Variants in MYCBP2 observed in about 807,000 individuals in gnomAD.
The protein encoded by MYCBP2 is MYC binding protein 2, also known as E3 ubiquitin-protein ligase MYCBP2.
A neutral mutation model predicts 525.3 loss-of-function variants in MYCBP2; 120 were observed. The ratio of observed to expected loss-of-function variants is 0.23; its 90% CI spans 0.20 to 0.27. The LOEUF (loss-of-function observed/expected upper bound fraction) is 0.27. MYCBP2 is among the 10% of genes least tolerant of loss of function. The pLI, the probability that MYCBP2 is intolerant of heterozygous loss-of-function variation, is 1.00. For missense variants in MYCBP2, 4,149 were observed against 5,657.1 expected (o/e 0.73, Z 8.55); for synonymous variants, 1,894 against 1,955.8 (o/e 0.97, Z 0.83).
At chr13:77,210,741 T>A (rs7317973) in intron 23 of MYCBP2, among the ~76,000 whole-genome samples, 4,091 of 152,282 alleles carry the variant, frequency 0.027, 200 homozygotes, top group African/African-American at 0.092. Context: ...GAATGAATTC[T>A]ATACAATATA....
intron 1 of MYCBP2, among the ~76,000 whole-genome samples, chr13:77,303,136 C>A (rs1286921159): frequency 1.3e-5 from 2 of 152,182 alleles, no homozygotes; most frequent in East Asian, 3.9e-4. Context: ...TGTTCGAGAC[C>A]AGCCTCACCA....
intron 8 of MYCBP2, 133 bp from the exon 9 acceptor site, chr13:77,264,135 A>G (rs2073741532): frequency 3.5e-6 from 2 of 572,322 alleles, no homozygotes; most frequent in Non-Finnish European, 5.9e-6. Context: ...TGTGCTTTTT[A>G]ATAAAGAATT....
chr13:77,317,992 A>ATAACATAACC (rs2081167898), intron 1 of MYCBP2, among the ~76,000 whole-genome samples: 1 of 149,600 alleles, frequency 6.7e-6, no homozygotes, highest in African/African-American at 2.5e-5. Context: ...ATAACATAAC[A>ATAACATAACC]TAACATAACA....
chr13:77,191,345 T>A (rs559642624), intron 28 of MYCBP2, among the ~76,000 whole-genome samples: 7 of 152,222 alleles, frequency 4.6e-5, no homozygotes, highest in Non-Finnish European at 8.8e-5. Context: ...ATATCACATA[T>A]CTACTTCTTT....
At chr13:77,164,361 A>G in intron 43 of MYCBP2, 93 bp downstream of exon 43, 1 of 775,626 alleles carries the variant, frequency 1.3e-6, no homozygotes, top group South Asian at 1.6e-5. Context: ...AGATTACAAA[A>G]TTCATTTTGC....
intron 3 of MYCBP2, among the ~76,000 whole-genome samples, chr13:77,281,201 C>A (rs61681230): frequency 6.6e-6 from 1 of 151,946 alleles, no homozygotes; most frequent in Non-Finnish European, 1.5e-5. Flanking sequence ...TATAGTCCTG[C>A]CAATATAGTA....
intron 7 of MYCBP2, among the ~76,000 whole-genome samples, chr13:77,268,288 T>C (rs1398927970): frequency 3.3e-5 from 5 of 152,336 alleles, no homozygotes; most frequent in Middle Eastern, 3.4e-3. Context: ...AGTATTGAGT[T>C]TGCTATTTGA....
intron 34 of MYCBP2, among the ~76,000 whole-genome samples, chr13:77,179,127 A>G (rs1311793692): frequency 2.0e-5 from 3 of 152,214 alleles, no homozygotes. Context: ...TCTAAAGGCT[A>G]AACTGTCACA....
In MYCBP2 at chr13:77,097,492, C is replaced by G; in HGVS notation, c.9662G>C (p.Gly3221Ala). 6.2e-7 allele frequency: 1 copy of G among 1,613,156 alleles called. No individual in the cohort carries two copies. Among genetic ancestry groups the G allele is most frequent in the Non-Finnish European group, 8.5e-7 (1 of 1,179,652 alleles). ...KKEKAEVRPR[G>A]NLFGEMAQLA... The stretch of plus-strand genomic sequence containing the variant: ...CTGGGCCATCTCTCCAAACAAATTA[C>G]CCCTGGGCCTAACTTCTGCCTTTTC... Residue 3221 changes from glycine to alanine, a missense_variant, in exon 56 of 83, where the codon GGT (glycine) becomes GCT (alanine). Coordinates refer to ENST00000544440, the MANE Select transcript of MYCBP2 (RefSeq NM_015057.5).
chr13:77,265,388 G>C (rs1164546960), intron 8 of MYCBP2, among the ~76,000 whole-genome samples: 1 of 152,052 alleles, frequency 6.6e-6, no homozygotes, highest in Non-Finnish European at 1.5e-5. Flanking sequence ...AAGAAGAGTA[G>C]CAAAAAGCCT....
chr13:77,192,404 T>A (rs563506411), intron 27 of MYCBP2, among the ~76,000 whole-genome samples: 9 of 152,304 alleles, frequency 5.9e-5, no homozygotes, highest in African/African-American at 1.9e-4. Flanking sequence ...ATAATATCTA[T>A]ACAAACATTA....
At chr13:77,186,417 G>A (rs1402484260) in intron 30 of MYCBP2, among the ~76,000 whole-genome samples, 1 of 152,058 alleles carries the variant, frequency 6.6e-6, no homozygotes. Flanking sequence ...ATAAAACAAT[G>A]CATGTTTACT....
chr13:77,050,486 A>G (rs1196300257), intron 82 of MYCBP2, among the ~76,000 whole-genome samples: 1 of 151,754 alleles, frequency 6.6e-6, no homozygotes, highest in Non-Finnish European at 1.5e-5. Context: ...TTTTGGTTTC[A>G]TACTTCTTTC....
chr13:77,319,964 G>T (rs780886190), intron 1 of MYCBP2, among the ~76,000 whole-genome samples: 2 of 152,088 alleles, frequency 1.3e-5, no homozygotes, highest in Non-Finnish European at 2.9e-5. Context: ...AGTGCCCTCC[G>T]AACCAACAAC....
chr13:77,097,540 G>A lies in MYCBP2; in HGVS notation c.9614C>T (p.Ser3205Phe), dbSNP rs879121379. The change falls in exon 56 of 83, where the codon TCC (serine) becomes TTC (phenylalanine). Residue 3205 changes from serine to phenylalanine, a missense_variant. Physicochemically the swap from Ser to Phe is radical, Grantham distance 155 (BLOSUM62 -2). This residue lies in a region of MYCBP2 where 653 missense variants were observed against 744.7 expected (regional missense o/e 0.88). Coordinates refer to ENST00000544440, the MANE Select transcript of MYCBP2 (RefSeq NM_015057.5). ...TTCTTTTTTCTTTTTTTCCTTTTTG[G>A]ACTTCTTATTCTCTTTCTCACACTC... ...KKECEKENKK[S>F]KKEKKKKEKA... The A allele has an allele frequency of 1.2e-6, 2 of 1,612,166 alleles. No individual in the cohort carries two copies. Among genetic ancestry groups the A allele is most frequent in the Middle Eastern group, 1.7e-4 (1 of 6,060 alleles).
At chr13:77,068,501 T>C in intron 70 of MYCBP2, 64 bp downstream of exon 70, 1 of 1,563,710 alleles carries the variant, frequency 6.4e-7, no homozygotes, top group Admixed American at 1.8e-5. Flanking sequence ...TCTCTTTGCA[T>C]TGCAACTTTT....
In MYCBP2 at chr13:77,174,393, T is replaced by A. The variant is rs2059416033; in HGVS notation, c.5569A>T (p.Thr1857Ser). ...MTTVQCPDGV[T>S]FTFSTCSLSS... ...AAGCTGCACGTGCTGAATGTGAATGTCACACCATCAGGGCACTGAACTGTG... is the reference window on the plus strand; with the variant it reads ...AAGCTGCACGTGCTGAATGTGAATGACACACCATCAGGGCACTGAACTGTG... The change falls in exon 37 of 83, where the codon ACA becomes TCA. Residue 1857 changes from threonine (T) to serine (S), a missense_variant. Thr to Ser is a moderately conservative substitution (Grantham distance 58). Around this residue, in one of 21 missense-constraint regions of MYCBP2, gnomAD observed 109 missense variants for 118.9 expected, o/e 0.92. Coordinates refer to ENST00000544440, the MANE Select transcript of MYCBP2 (RefSeq NM_015057.5). 6.2e-7 allele frequency: 1 copy of A among 1,614,178 alleles called. No homozygotes were observed. Among genetic ancestry groups the A allele is most frequent in the East Asian group, 2.2e-5 (1 of 44,880 alleles).
rs771386480 is a variant in MYCBP2 at position 77,266,050 on chromosome 13, A to C, written c.1357+1791T>G. 6.8e-4 allele frequency among the ~76,000 whole-genome samples: 103 copies of C among 152,328 alleles called. 1 individual carries two copies. Among genetic ancestry groups the C allele is most frequent in the Non-Finnish European group, 1.0e-3 (70 of 68,014 alleles). The stretch of plus-strand genomic sequence containing the variant: ...AAACAAAGCAACGAGATTTAAACTG[A>C]ATAAAGACATTAACGAGTAATTTTT... On this transcript the variant is annotated intron_variant, in intron 8 of 82. Coordinates refer to ENST00000544440, the MANE Select transcript of MYCBP2 (RefSeq NM_015057.5).
At chr13:77,123,802 C>T (rs2051168626) in intron 54 of MYCBP2, among the ~76,000 whole-genome samples, 1 of 152,108 alleles carries the variant, frequency 6.6e-6, no homozygotes, top group Admixed American at 6.6e-5. Flanking sequence ...TTTAACTTAT[C>T]TTAAATAAAG....
Sources: gnomAD v4.1 joint callset for allele counts (sites outside exome capture counted in the v4.1 genomes callset) on GRCh38, gnomAD v4.1.1 for gene constraint, gnomAD v4.1.1 regional missense constraint, MANE v1.5 for transcripts, NCBI Gene and HGNC (gene_info 2026-07-23, HGNC 2026-07-21) for gene names.